Variants in LCP2 observed in about 807,000 individuals in gnomAD.
The protein encoded by LCP2 is lymphocyte cytosolic protein 2, also known as 76 kDa tyrosine phosphoprotein.
LCP2 carries 29 observed loss-of-function variants against 74.5 expected under a neutral mutation model. The observed-to-expected ratio is 0.39, with a 90% CI of 0.29 to 0.53. The LOEUF is 0.53. Among genes scored for constraint, LCP2 ranks in the 20% least tolerant of loss-of-function variants. The pLI is 0.72. For missense variants in LCP2, 604 were observed against 634.6 expected (o/e 0.95, Z 0.52); for synonymous variants, 228 against 229.5 (o/e 0.99, Z 0.06).
At chr5:170,260,235 T>G (rs1761627985) in intron 14 of LCP2, among the ~76,000 whole-genome samples, 1 of 152,232 alleles carries the variant, frequency 6.6e-6, no homozygotes, top group African/African-American at 2.4e-5. Flanking sequence ...ATCCCGTGAT[T>G]GCATGCTGTC....
chr5:170,261,961 A>G (rs1378892717), intron 13 of LCP2, among the ~76,000 whole-genome samples: 2 of 152,170 alleles, frequency 1.3e-5, no homozygotes, highest in African/African-American at 2.4e-5. Flanking sequence ...ATCAAACTCC[A>G]TTACTGAGGA....
In LCP2 at chr5:170,262,742, C is replaced by T; in HGVS notation, c.819G>A (p.Arg273=). 2 of 1,613,770 alleles carry T rather than the reference C, an allele frequency of 1.2e-6. No individual in the cohort carries two copies. Among genetic ancestry groups the T allele is most frequent in the Non-Finnish European group, 1.7e-6 (2 of 1,179,674 alleles). Residue 273 remains arginine (R), a splice_region_variant and synonymous_variant, in exon 13 of 21, where the codon AGG becomes AGA. Coordinates refer to ENST00000046794, the MANE Select transcript of LCP2 (RefSeq NM_005565.5). ...FSDKPSIPAG[R]SLGEHLPKIQ... ...TCTTGGGTAAATGCTCCCCGAGTGA[C>T]CTGTGGAGTTCAGGAAAAGGATGTG...
chr5:170,275,681 A>G, intron 4 of LCP2, 114 bp downstream of exon 4: 1 of 890,514 alleles, frequency 1.1e-6, no homozygotes, highest in Non-Finnish European at 1.8e-6. Context: ...GACCCCTGGG[A>G]TTCAGGGGAC....
intron 6 of LCP2, among the ~76,000 whole-genome samples, chr5:170,273,189 G>T (rs1445385330): frequency 6.6e-6 from 1 of 152,172 alleles, no homozygotes; most frequent in Non-Finnish European, 1.5e-5. Flanking sequence ...GAGCTGCCAA[G>T]CTCTATAGCC....
rs529531331 is a variant in LCP2 at position 170,271,987 on chromosome 5, G to A, written c.325-1070C>T. Among the ~76,000 whole-genome samples the A allele has an allele frequency of 2.0e-5, 3 of 152,300 alleles. No homozygotes were observed. In the East Asian group the frequency reaches 5.8e-4, roughly 29 times the overall value. Reference sequence around the variant, plus strand: ...CAGAGGGGCAAAGTGAGCATTGGGTGCCTTCCCAACTCCAAAAAAAGACTT... The same window carrying A: ...CAGAGGGGCAAAGTGAGCATTGGGTACCTTCCCAACTCCAAAAAAAGACTT... On this transcript the variant is annotated intron_variant, in intron 6 of 20. Transcript: ENST00000046794.
chr5:170,295,245 C>A (rs1304653172), intron 1 of LCP2, among the ~76,000 whole-genome samples: 2 of 152,188 alleles, frequency 1.3e-5, no homozygotes, highest in Non-Finnish European at 2.9e-5. Flanking sequence ...AGCTTATATT[C>A]CAGACACAGG....
intron 16 of LCP2, among the ~76,000 whole-genome samples, chr5:170,257,055 C>G (rs1168524384): frequency 2.0e-5 from 3 of 152,124 alleles, no homozygotes; most frequent in Non-Finnish European, 4.4e-5. Context: ...ACGGTGATAG[C>G]ATTTGCAGGG....
chr5:170,261,892 G>A (rs921274675), intron 13 of LCP2, among the ~76,000 whole-genome samples: 3 of 152,154 alleles, frequency 2.0e-5, no homozygotes, highest in Non-Finnish European at 4.4e-5. Flanking sequence ...TTGGAATTTT[G>A]TTCCTTATGA....
At chr5:170,257,445 T>G (rs1157149026) in intron 16 of LCP2, among the ~76,000 whole-genome samples, 2 of 152,068 alleles carry the variant, frequency 1.3e-5, no homozygotes, top group Non-Finnish European at 1.5e-5. Flanking sequence ...TCCTTGAATA[T>G]TAAGGGAGAA....
intron 2 of LCP2, among the ~76,000 whole-genome samples, chr5:170,291,415 C>T (rs1225151041): frequency 2.6e-5 from 4 of 152,204 alleles, no homozygotes; most frequent in Non-Finnish European, 5.9e-5. Context: ...GCCTTTACAT[C>T]CCCCAGTTGC....
At position 170,288,592 on chromosome 5, in the gene LCP2, A is replaced by G. The variant is rs189177199; in HGVS notation, c.142-576T>C. ...GGGGAGAAAGAAACTCATATTTGTC[A>G]AGAACTAACTCTGGGCCTCCACCTC... is the stretch of plus-strand genomic sequence containing the variant. On this transcript the variant is annotated intron_variant, in intron 2 of 20. Transcript: ENST00000046794. Among the ~76,000 whole-genome samples, 4 of 152,360 alleles carry G rather than the reference A, an allele frequency of 2.6e-5. No individual in the cohort carries two copies. In the East Asian group the frequency reaches 7.7e-4, roughly 29 times the overall value.
rs184500051 is a variant in LCP2 at position 170,274,237 on chromosome 5, C to G, written c.324+64G>C. 1.4e-5 allele frequency: 21 copies of G among 1,553,274 alleles called. No homozygotes were observed. In the East Asian group the frequency reaches 4.8e-4, roughly 36 times the overall value. ...CGCTTCACTTGGCTCCATCCTGGCT[C>G]CTTATCACAAAGCTGCCCTGGACAC... On this transcript the variant is annotated intron_variant, in intron 6 of 20. Coordinates refer to ENST00000046794, the MANE Select transcript of LCP2 (RefSeq NM_005565.5).
intron 3 of LCP2, chr5:170,287,749 G>C: frequency 1.7e-6 from 1 of 580,048 alleles, no homozygotes; most frequent in East Asian, 2.9e-5. Context: ...CTTGTTTTTG[G>C]CAAGAGCATC....
chr5:170,250,460 G>A (rs1761409881), intron 20 of LCP2, among the ~76,000 whole-genome samples: 1 of 152,146 alleles, frequency 6.6e-6, no homozygotes, highest in Admixed American at 6.5e-5. Flanking sequence ...CATCTAAATA[G>A]ATTTTTTTAA....
At chr5:170,281,499 C>G (rs543691800) in intron 3 of LCP2, among the ~76,000 whole-genome samples, 1 of 152,198 alleles carries the variant, frequency 6.6e-6, no homozygotes, top group Non-Finnish European at 1.5e-5. Context: ...CCAGGATGGT[C>G]TCGATCTCCT....
intron 1 of LCP2, among the ~76,000 whole-genome samples, chr5:170,296,911 C>A (rs1028706075): frequency 2.0e-5 from 3 of 152,204 alleles, no homozygotes; most frequent in Non-Finnish European, 4.4e-5. Flanking sequence ...CTGCCCCAGG[C>A]GGGAGCTTGA....
At chr5:170,261,407 G>GTGTGTATATATATA (rs150577805) in intron 13 of LCP2, among the ~76,000 whole-genome samples, 4 of 146,326 alleles carry the variant, frequency 2.7e-5, no homozygotes, top group East Asian at 2.1e-4. Context: ...GTGTGTGTGT[G>GTGTGTATATATATA]TATATATATA....
At chr5:170,268,594 A>G (rs893444654) in intron 7 of LCP2, 112 bp from the exon 8 acceptor site, 13 of 160,358 alleles carry the variant, frequency 8.1e-5, no homozygotes, top group Non-Finnish European at 1.8e-4. Flanking sequence ...CTTGACCCCC[A>G]GGCCCACATG....
intron 4 of LCP2, 50 bp from the exon 5 acceptor site, chr5:170,275,401 T>A: frequency 6.2e-7 from 1 of 1,601,230 alleles, no homozygotes; most frequent in South Asian, 1.1e-5. Flanking sequence ...TTTAAGGGGA[T>A]CTCCCTCTTT....
Sources: gnomAD v4.1 joint callset for allele counts (sites outside exome capture counted in the v4.1 genomes callset) on GRCh38, gnomAD v4.1.1 for gene constraint, MANE v1.5 for transcripts, NCBI Gene and HGNC (gene_info 2026-07-23, HGNC 2026-07-21) for gene names.